PARD3: variants seen among roughly 807,000 people sequenced by gnomAD.
PARD3 encodes partitioning defective 3 homolog.
PARD3 carries 75 observed loss-of-function variants against 155.4 expected under a neutral mutation model. The observed-to-expected ratio is 0.48, with a 90% CI of 0.40 to 0.58. The LOEUF (loss-of-function observed/expected upper bound fraction) is 0.58, where lower values mean the gene tolerates loss of function less well. PARD3 is among the 20% of genes least tolerant of loss of function. The pLI is 0.00. For synonymous variants in PARD3, 576 were observed against 610.5 expected, an observed-to-expected ratio of 0.94 and a Z score of 0.83; for missense variants, 1,642 against 1,721.7, an observed-to-expected ratio of 0.95 and a Z score of 0.82.
intron 7 of PARD3, among the ~76,000 whole-genome samples, chr10:34,394,493 C>T (rs1383957972): frequency 6.6e-6 from 1 of 152,068 alleles, no homozygotes; most frequent in Non-Finnish European, 1.5e-5. Flanking sequence ...ACTCGGCTAA[C>T]TTTTGTATTT....
At chr10:34,564,198 TTA>T (rs1006714365) in intron 2 of PARD3, among the ~76,000 whole-genome samples, 19 of 152,342 alleles carry the variant, frequency 1.2e-4, no homozygotes, top group African/African-American at 4.3e-4. Context: ...CATATAAAAT[TTA>T]TGTCTCATAA....
At chr10:34,763,668 C>T (rs1472647637) in intron 1 of PARD3, among the ~76,000 whole-genome samples, 1 of 152,124 alleles carries the variant, frequency 6.6e-6, no homozygotes, top group East Asian at 1.9e-4. Flanking sequence ...ATTTCTAACC[C>T]ATCACCTACA....
chr10:34,613,960 C>A (rs914081409), intron 2 of PARD3, among the ~76,000 whole-genome samples: 1 of 152,082 alleles, frequency 6.6e-6, no homozygotes, highest in African/African-American at 2.4e-5. Flanking sequence ...AAAACTATAG[C>A]AAACATTAAG....
chr10:34,203,470 A>G (rs1564479078), intron 22 of PARD3, among the ~76,000 whole-genome samples: 1 of 152,222 alleles, frequency 6.6e-6, no homozygotes, highest in African/African-American at 2.4e-5. Context: ...TGTGGATACC[A>G]AAATCCACGG....
rs541396129 is a variant in PARD3, at chr10:34,436,605, G to T, written c.714+13712C>A. ...TGTAAACATACAATTTCATTTTTAG[G>T]CATACTTCTGTGAGAAACTCAATAC... On this transcript the variant is annotated intron_variant, in intron 5 of 24. Coordinates refer to ENST00000374788, the MANE Select transcript of PARD3 (RefSeq NM_001184785.2). Among the ~76,000 whole-genome samples, 3 of 151,394 alleles carry T rather than the reference G, an allele frequency of 2.0e-5. No individual in the cohort carries two copies. In the South Asian group the frequency reaches 6.2e-4, roughly 31 times the overall value.
chr10:34,296,892 T>C (rs1397988634), intron 20 of PARD3, among the ~76,000 whole-genome samples: 1 of 152,176 alleles, frequency 6.6e-6, no homozygotes, highest in Non-Finnish European at 1.5e-5. Context: ...TGAGGTCAAA[T>C]GAGTTTGAGA....
chr10:34,300,650 C>T (rs1413078094), intron 20 of PARD3, among the ~76,000 whole-genome samples: 1 of 151,264 alleles, frequency 6.6e-6, no homozygotes, highest in Admixed American at 6.6e-5. Context: ...AAAAAAATGG[C>T]AGGGCTGGGG....
At chr10:34,310,146 A>G (rs931038119) in intron 20 of PARD3, among the ~76,000 whole-genome samples, 1 of 152,222 alleles carries the variant, frequency 6.6e-6, no homozygotes, top group African/African-American at 2.4e-5. Context: ...ATTTAGGAGT[A>G]ACATGTACTT....
chr10:34,494,161 A>G (rs188445638), intron 3 of PARD3, among the ~76,000 whole-genome samples: 7 of 152,350 alleles, frequency 4.6e-5, no homozygotes, highest in Admixed American at 4.6e-4. Context: ...TAGCAACTCT[A>G]TGGAATCCGG....
intron 1 of PARD3, among the ~76,000 whole-genome samples, chr10:34,774,590 C>T (rs1839308079): frequency 6.6e-6 from 1 of 152,140 alleles, no homozygotes; most frequent in Middle Eastern, 3.2e-3. Flanking sequence ...GTTAAATGCA[C>T]ATGACACAAT....
intron 1 of PARD3, among the ~76,000 whole-genome samples, chr10:34,724,046 G>T (rs979634493): frequency 4.6e-5 from 7 of 152,316 alleles, no homozygotes; most frequent in African/African-American, 1.7e-4. Flanking sequence ...AGGGAAACAG[G>T]AGTGCACATC....
chr10:34,613,501 A>C (rs1200622783), intron 2 of PARD3, among the ~76,000 whole-genome samples: 1 of 152,028 alleles, frequency 6.6e-6, no homozygotes, highest in African/African-American at 2.4e-5. Context: ...AAAATCATTA[A>C]CTCTTACTTA....
At chr10:34,776,043 A>G (rs529796749) in intron 1 of PARD3, among the ~76,000 whole-genome samples, 3 of 152,324 alleles carry the variant, frequency 2.0e-5, no homozygotes, top group East Asian at 3.9e-4. Context: ...TGGGCAACAC[A>G]GTAAGACCTT....
At position 34,227,881 on chromosome 10, in the gene PARD3, T is replaced by TATATATATATATATATATATATAC. The variant is rs1199483392; in HGVS notation, c.3419+41775_3419+41776insGTATATATATATATATATATATAT. Among the ~76,000 whole-genome samples, 155 of 133,648 alleles carry TATATATATATATATATATATATAC rather than the reference T, an allele frequency of 1.2e-3. 3 individuals carry two copies. Among genetic ancestry groups the TATATATATATATATATATATATAC allele is most frequent in the African/African-American group, 3.2e-3 (109 of 34,176 alleles). The allele number at this position is 133,648 out of a possible 152,430, so 87.7% of individuals were successfully genotyped here. A position where few individuals can be genotyped will look rare whatever the true frequency, so the allele number is the denominator to read the frequency against. On this transcript the variant is annotated intron_variant, in intron 22 of 24. Transcript: ENST00000374788. Reference sequence around the variant, plus strand: ...TTATATATATATATATATATATATATATACTGGGAATATATATGTATATAT... The same window carrying TATATATATATATATATATATATAC: ...TTATATATATATATATATATATATATATATATATATATATATATATATACATACTGGGAATATATATGTATATAT...
intron 22 of PARD3, among the ~76,000 whole-genome samples, chr10:34,262,672 GC>G (rs1955087149): frequency 6.6e-6 from 1 of 152,194 alleles, no homozygotes; most frequent in African/African-American, 2.4e-5. Context: ...CGTTCAAGCT[GC>G]CCTATTTCCA....
intron 3 of PARD3, among the ~76,000 whole-genome samples, chr10:34,471,851 G>A (rs773700681): frequency 2.0e-5 from 3 of 152,178 alleles, no homozygotes; most frequent in African/African-American, 7.2e-5. Flanking sequence ...GAGCCACCAC[G>A]TCCGGTCTAA....
intron 3 of PARD3, among the ~76,000 whole-genome samples, chr10:34,472,012 C>T (rs1210772188): frequency 6.6e-6 from 1 of 152,082 alleles, no homozygotes; most frequent in African/African-American, 2.4e-5. Flanking sequence ...GTATTTAAAC[C>T]ACTGTCAATC....
intron 1 of PARD3, among the ~76,000 whole-genome samples, chr10:34,813,746 A>G (rs889244770): frequency 1.3e-5 from 2 of 152,222 alleles, no homozygotes; most frequent in Non-Finnish European, 2.9e-5. Flanking sequence ...GGGCTGACCA[A>G]GCCACTTTCC....
intron 1 of PARD3, among the ~76,000 whole-genome samples, chr10:34,808,478 T>C (rs1338318609): frequency 2.0e-5 from 3 of 152,210 alleles, no homozygotes; most frequent in African/African-American, 7.2e-5. Context: ...CATTTACTGA[T>C]GTCCAGCTCT....
Sources: allele counts gnomAD v4.1 joint callset (sites outside exome capture counted in the v4.1 genomes callset), GRCh38; gene constraint gnomAD v4.1.1; transcripts MANE v1.5; gene names NCBI Gene and HGNC (gene_info 2026-07-23, HGNC 2026-07-21).